Variants in THRB observed in about 807,000 individuals in gnomAD.
THRB encodes the protein nuclear receptor subfamily 1 group A member 2.
In THRB, 12 loss-of-function variants were observed where a neutral mutation model predicts 47.8. The observed-to-expected ratio is 0.25, with a 90% CI of 0.16 to 0.41. The LOEUF is 0.41. Ranked by LOEUF, THRB falls within the 10% of genes least tolerant of loss-of-function variation. THRB has a pLI of 1.00. For synonymous variants in THRB, 218 were observed against 212.2 expected, an observed-to-expected ratio of 1.03 and a Z score of -0.24; for missense variants, 348 against 589.2, an observed-to-expected ratio of 0.59 and a Z score of 4.24.
At chr3:24,451,022 T>G (rs1359625053) in intron 1 of THRB, among the ~76,000 whole-genome samples, 2 of 152,176 alleles carry the variant, frequency 1.3e-5, no homozygotes, top group African/African-American at 4.8e-5. Context: ...AAATTTGGTT[T>G]CCCACACCCA....
chr3:24,313,778 T>G (rs1418508621), intron 2 of THRB, among the ~76,000 whole-genome samples: 1 of 151,414 alleles, frequency 6.6e-6, no homozygotes, highest in Admixed American at 6.7e-5. Context: ...CACAGTTTGG[T>G]TCAAAGGCTT....
intron 4 of THRB, among the ~76,000 whole-genome samples, chr3:24,205,390 C>T (rs2045205089): frequency 6.6e-6 from 1 of 152,174 alleles, no homozygotes; most frequent in Non-Finnish European, 1.5e-5. Flanking sequence ...ATTTCATATC[C>T]AGCCAAACTA....
chr3:24,319,779 C>T (rs1417425253), intron 2 of THRB, among the ~76,000 whole-genome samples: 4 of 152,138 alleles, frequency 2.6e-5, no homozygotes, highest in Non-Finnish European at 4.4e-5. Context: ...ACAAAACACC[C>T]CATCACTCAT....
intron 1 of THRB, among the ~76,000 whole-genome samples, chr3:24,367,125 C>G (rs2064533193): frequency 6.6e-6 from 1 of 152,150 alleles, no homozygotes. Context: ...TACAAATGGT[C>G]AGAGTTACTA....
chr3:24,330,538 C>G (rs1324543468), intron 2 of THRB, among the ~76,000 whole-genome samples: 3 of 152,200 alleles, frequency 2.0e-5, no homozygotes, highest in Non-Finnish European at 4.4e-5. Flanking sequence ...CCATCTCTCT[C>G]TCTCATCTCT....
At chr3:24,246,301 G>C (rs183319341) in intron 3 of THRB, among the ~76,000 whole-genome samples, 11 of 152,276 alleles carry the variant, frequency 7.2e-5, no homozygotes, top group Admixed American at 7.2e-4. Context: ...AGAAGAGCTG[G>C]CATGTGAAGT....
chr3:24,332,096 G>T (rs780470946), intron 2 of THRB, among the ~76,000 whole-genome samples: 1 of 152,122 alleles, frequency 6.6e-6, no homozygotes, highest in Admixed American at 6.5e-5. Context: ...ACTACGAGTC[G>T]GTAGATGAGA....
intron 8 of THRB, among the ~76,000 whole-genome samples, chr3:24,140,372 T>C (rs1199949033): frequency 6.6e-6 from 1 of 152,180 alleles, no homozygotes; most frequent in Non-Finnish European, 1.5e-5. Flanking sequence ...GGGGATTGAT[T>C]GGCACAGCTA....
intron 1 of THRB, among the ~76,000 whole-genome samples, chr3:24,468,875 A>G (rs1032776471): frequency 2.0e-5 from 3 of 152,106 alleles, no homozygotes; most frequent in African/African-American, 7.2e-5. Context: ...ACAAACTTTC[A>G]GTCACATAGT....
chr3:24,126,013 A>G (rs2032714547), intron 10 of THRB, among the ~76,000 whole-genome samples: 1 of 152,132 alleles, frequency 6.6e-6, no homozygotes, highest in African/African-American at 2.4e-5. Flanking sequence ...AATTTTCCAT[A>G]ATAAAAAGAA....
At chr3:24,126,839 G>C (rs1441228165) in intron 10 of THRB, among the ~76,000 whole-genome samples, 1 of 152,230 alleles carries the variant, frequency 6.6e-6, no homozygotes, top group Non-Finnish European at 1.5e-5. Context: ...TGGATGAAGG[G>C]ATCCTGTGTG....
intron 5 of THRB, among the ~76,000 whole-genome samples, chr3:24,185,650 C>A (rs977355848): frequency 1.3e-5 from 2 of 152,116 alleles, no homozygotes; most frequent in African/African-American, 4.8e-5. Flanking sequence ...TGAGTCCCTG[C>A]CTTGTTTCTC....
Position 24,220,186 on chromosome 3 carries a change from G to A in THRB, c.22+8752C>T, listed in dbSNP as rs187725691. ...CTGGTCTAGGATGGCATGGACATCA[G>A]GACTTTAAAAAGCTCCTAGAGTGGC... On this transcript the variant is annotated intron_variant, in intron 4 of 10. Coordinates refer to ENST00000646209, the MANE Select transcript of THRB (RefSeq NM_001354712.2). Among the ~76,000 whole-genome samples the A allele has an allele frequency of 2.0e-5, 3 of 152,232 alleles. No individual in the cohort carries two copies. In the East Asian group the frequency reaches 5.8e-4, roughly 29 times the overall value.
intron 3 of THRB, among the ~76,000 whole-genome samples, chr3:24,242,618 A>G (rs936221992): frequency 7.9e-5 from 12 of 152,174 alleles, no homozygotes; most frequent in African/African-American, 2.7e-4. Flanking sequence ...TCCTTGCACA[A>G]TGCCTGGCAC....
At chr3:24,260,233 C>T (rs1027622573) in intron 3 of THRB, among the ~76,000 whole-genome samples, 2 of 152,038 alleles carry the variant, frequency 1.3e-5, no homozygotes, top group African/African-American at 2.4e-5. Flanking sequence ...TTTTTCTGGG[C>T]ACTCGGTGAG....
chr3:24,144,168 GA>G, intron 7 of THRB: 1 of 192,218 alleles, frequency 5.2e-6, no homozygotes, highest in Non-Finnish European at 1.1e-5. Context: ...ATTAAAAAAA[GA>G]AACGTTATGG....
At chr3:24,206,010 AGT>A (rs1348249391) in intron 4 of THRB, among the ~76,000 whole-genome samples, 1 of 152,252 alleles carries the variant, frequency 6.6e-6, no homozygotes. Flanking sequence ...GCAAGTCCTT[AGT>A]GACCTACAAA....
At chr3:24,465,681 T>C (rs1045508485) in intron 1 of THRB, among the ~76,000 whole-genome samples, 3 of 152,102 alleles carry the variant, frequency 2.0e-5, no homozygotes, top group African/African-American at 7.2e-5. Flanking sequence ...TGGTATTACA[T>C]ACTTGAGTCA....
chr3:24,376,587 T>A (rs994249092), intron 1 of THRB, among the ~76,000 whole-genome samples: 1 of 151,984 alleles, frequency 6.6e-6, no homozygotes, highest in African/African-American at 2.4e-5. Context: ...ATGTTGGAGT[T>A]CCAACCAGCC....
Sources: gnomAD v4.1 joint callset for allele counts (sites outside exome capture counted in the v4.1 genomes callset) on GRCh38, gnomAD v4.1.1 for gene constraint, MANE v1.5 for transcripts, NCBI Gene and HGNC (gene_info 2026-07-23, HGNC 2026-07-21) for gene names.